Variants in PPP2R2B observed in about 807,000 individuals in gnomAD.
PPP2R2B encodes serine/threonine-protein phosphatase 2A 55 kDa regulatory subunit B beta isoform.
A neutral mutation model predicts 46.0 loss-of-function variants in PPP2R2B; 5 were observed. The observed-to-expected ratio is 0.11, with a 90% CI of 0.06 to 0.23. The LOEUF (loss-of-function observed/expected upper bound fraction) is 0.23. PPP2R2B is among the 10% of genes least tolerant of loss of function. The pLI is 1.00. For synonymous variants in PPP2R2B, 215 were observed against 206.7 expected, an observed-to-expected ratio of 1.04 and a Z score of -0.34; for missense variants, 367 against 575.0, an observed-to-expected ratio of 0.64 and a Z score of 3.70.
At chr5:146,693,482 T>C (rs1330530307) in intron 4 of PPP2R2B, among the ~76,000 whole-genome samples, 2 of 152,192 alleles carry the variant, frequency 1.3e-5, no homozygotes, top group African/African-American at 4.8e-5. Flanking sequence ...CCCAAAGTGC[T>C]GGGATTACAG....
chr5:146,737,981 C>T (rs1752639630), intron 2 of PPP2R2B, among the ~76,000 whole-genome samples: 1 of 151,860 alleles, frequency 6.6e-6, no homozygotes, highest in African/African-American at 2.4e-5. Flanking sequence ...TAGAAACCTA[C>T]TCAGACCTGG....
chr5:146,985,303 G>T (rs1350766747), intron 1 of PPP2R2B, among the ~76,000 whole-genome samples: 1 of 152,118 alleles, frequency 6.6e-6, no homozygotes, highest in East Asian at 1.9e-4. Context: ...ACAGGCGTGA[G>T]CCACTGCACC....
At chr5:146,677,137 TTTAA>T (rs1436865412) in intron 5 of PPP2R2B, among the ~76,000 whole-genome samples, 4 of 152,212 alleles carry the variant, frequency 2.6e-5, no homozygotes, top group Non-Finnish European at 5.9e-5. Context: ...GAGCCTATGA[TTTAA>T]AAATTCAAGC....
intron 2 of PPP2R2B, among the ~76,000 whole-genome samples, chr5:146,728,351 G>A (rs1219939579): frequency 6.6e-6 from 1 of 151,928 alleles, no homozygotes; most frequent in Non-Finnish European, 1.5e-5. Context: ...CCCATGTTTA[G>A]TAATAAGAGA....
chr5:146,785,302 T>A (rs1755767775), intron 2 of PPP2R2B, among the ~76,000 whole-genome samples: 1 of 152,142 alleles, frequency 6.6e-6, no homozygotes, highest in East Asian at 1.9e-4. Flanking sequence ...ACCCAAGCAC[T>A]CTAGGAGGCC....
chr5:146,863,481 A>AAGAGG (rs1482627482), intron 2 of PPP2R2B, among the ~76,000 whole-genome samples: 1 of 152,142 alleles, frequency 6.6e-6, no homozygotes, highest in East Asian at 1.9e-4. Flanking sequence ...ACAGAAGAGG[A>AAGAGG]AGAGGATGAA....
chr5:146,871,676 A>G (rs1214347667), intron 2 of PPP2R2B, among the ~76,000 whole-genome samples: 4 of 152,198 alleles, frequency 2.6e-5, no homozygotes, highest in African/African-American at 4.8e-5. Flanking sequence ...CCAGGCGCCA[A>G]TGGGATATAT....
intron 2 of PPP2R2B, among the ~76,000 whole-genome samples, chr5:146,755,148 C>T (rs1380255124): frequency 2.6e-5 from 4 of 152,094 alleles, no homozygotes; most frequent in African/African-American, 4.8e-5. Context: ...GAAGGGGTTA[C>T]CTCTGAGAAG....
chr5:146,707,019 C>T, intron 2 of PPP2R2B: 3 of 1,026,512 alleles, frequency 2.9e-6, no homozygotes, highest in Non-Finnish European at 4.6e-6. Flanking sequence ...CATCCACATC[C>T]TTCTTGATGA....
At chr5:146,930,497 C>T (rs1254095051) in intron 1 of PPP2R2B, among the ~76,000 whole-genome samples, 1 of 152,102 alleles carries the variant, frequency 6.6e-6, no homozygotes, top group East Asian at 1.9e-4. Flanking sequence ...GTGGCAATGG[C>T]CCAGTGGTCT....
At chr5:146,714,561 AT>A (rs1212870658) in intron 2 of PPP2R2B, among the ~76,000 whole-genome samples, 5 of 152,224 alleles carry the variant, frequency 3.3e-5, no homozygotes, top group African/African-American at 4.8e-5. Flanking sequence ...GAATAAAAAA[AT>A]AAATGTATAG....
chr5:146,906,506 G>A (rs1561509464), intron 1 of PPP2R2B, among the ~76,000 whole-genome samples: 1 of 152,126 alleles, frequency 6.6e-6, no homozygotes, highest in Admixed American at 6.5e-5. Context: ...ATTTTTAGTA[G>A]AGACGGGGTT....
chr5:146,799,185 T>G (rs1756716171), intron 2 of PPP2R2B, among the ~76,000 whole-genome samples: 1 of 152,224 alleles, frequency 6.6e-6, no homozygotes, highest in Non-Finnish European at 1.5e-5. Context: ...GAGCAAATCT[T>G]GTTTTCTAGC....
chr5:146,637,851 T>C (rs929285053), intron 7 of PPP2R2B, among the ~76,000 whole-genome samples: 4 of 151,992 alleles, frequency 2.6e-5, no homozygotes, highest in African/African-American at 7.2e-5. Flanking sequence ...AAAAAAAAGA[T>C]GTGTCCAGAA....
At chr5:147,077,756 T>C (rs1757833265) in intron 2 of PPP2R2B, among the ~76,000 whole-genome samples, 1 of 152,206 alleles carries the variant, frequency 6.6e-6, no homozygotes, top group South Asian at 2.1e-4. Flanking sequence ...TCTGCCTGTA[T>C]TCACTATTTT....
chr5:146,615,515 TAAAAAAA>T (rs1364774106), intron 7 of PPP2R2B, among the ~76,000 whole-genome samples: 2 of 71,034 alleles, frequency 2.8e-5, no homozygotes, highest in African/African-American at 9.2e-5. Context: ...AAAAAAAAAT[TAAAAAAA>T]AAAAAAAAGA....
At chr5:146,931,086 C>T (rs1240022477) in intron 1 of PPP2R2B, among the ~76,000 whole-genome samples, 3 of 151,986 alleles carry the variant, frequency 2.0e-5, no homozygotes, top group African/African-American at 7.3e-5. Context: ...CTTCTATACT[C>T]TATAGTTCTA....
At chr5:146,906,014 G>A (rs1331302143) in intron 1 of PPP2R2B, among the ~76,000 whole-genome samples, 1 of 152,092 alleles carries the variant, frequency 6.6e-6, no homozygotes, top group Non-Finnish European at 1.5e-5. Flanking sequence ...TGGAAAGCTT[G>A]TAAGCAGGAT....
intron 6 of PPP2R2B, among the ~76,000 whole-genome samples, chr5:146,646,333 C>T (rs1002390639): frequency 2.0e-5 from 3 of 152,154 alleles, no homozygotes; most frequent in African/African-American, 7.2e-5. Flanking sequence ...CTAGGTATAC[C>T]ATAGTTTTCA....
Sources: allele counts gnomAD v4.1 joint callset (sites outside exome capture counted in the v4.1 genomes callset), GRCh38; gene constraint gnomAD v4.1.1; transcripts MANE v1.5; gene names NCBI Gene and HGNC (gene_info 2026-07-23, HGNC 2026-07-21).